Variants in INSL6 observed in about 807,000 individuals in gnomAD.
INSL6 encodes the protein insulin like 6.
In INSL6, 16 loss-of-function variants were observed where a neutral mutation model predicts 9.4. The observed-to-expected ratio is 1.70, with a 90% CI of 1.15 to 2.59. The LOEUF (loss-of-function observed/expected upper bound fraction) is 2.59. INSL6 is among the 30% of genes most tolerant of loss of function. INSL6 has a pLI of 0.00. For synonymous variants in INSL6, 154 were observed against 96.9 expected, an observed-to-expected ratio of 1.59 and a Z score of -3.46; for missense variants, 391 against 257.3, an observed-to-expected ratio of 1.52 and a Z score of -3.56.
intron 1 of INSL6, among the ~76,000 whole-genome samples, chr9:5,168,546 G>A (rs954110095): frequency 6.6e-6 from 1 of 151,944 alleles, no homozygotes; most frequent in African/African-American, 2.4e-5. Flanking sequence ...AGAATGAAAA[G>A]GAATGAATAA....
chr9:5,150,321 GA>G (rs1289767939), intron 2 of INSL6, among the ~76,000 whole-genome samples: 1 of 152,082 alleles, frequency 6.6e-6, no homozygotes, highest in Non-Finnish European at 1.5e-5. Flanking sequence ...TACAGAATGG[GA>G]AAAATATTTG....
At chr9:5,110,167 C>G in the INSL6 span, 1 of 152,214 alleles carries the variant, frequency 6.6e-6, no homozygotes, top group Admixed American at 6.5e-5. Flanking sequence ...TGACTTCCAT[C>G]CGCCATAGAA....
At chr9:5,069,840 G>A in the INSL6 span, 1 of 815,918 alleles carries the variant, frequency 1.2e-6, no homozygotes, top group Non-Finnish European at 1.8e-6. Context: ...CTTATACGTA[G>A]AACACATTTC....
chr9:5,158,798 C>T (rs1455188850), intron 2 of INSL6, among the ~76,000 whole-genome samples: 2 of 152,008 alleles, frequency 1.3e-5, no homozygotes, highest in African/African-American at 4.8e-5. Context: ...AGGAAGAAAT[C>T]ATCTGAACAT....
chr9:5,018,028 G>C, the INSL6 span, among the ~76,000 whole-genome samples: 2 of 152,166 alleles, frequency 1.3e-5, no homozygotes, highest in Non-Finnish European at 2.9e-5. Flanking sequence ...ATGTAGTTGG[G>C]TCATGTTTTT....
chr9:5,013,574 G>A, the INSL6 span, among the ~76,000 whole-genome samples: 1 of 152,148 alleles, frequency 6.6e-6, no homozygotes, highest in Admixed American at 6.5e-5. Flanking sequence ...TTTGTTCCAG[G>A]AACATGCTGT....
At chr9:5,170,807 G>C (rs905986073) in intron 1 of INSL6, among the ~76,000 whole-genome samples, 1 of 152,022 alleles carries the variant, frequency 6.6e-6, no homozygotes, top group Non-Finnish European at 1.5e-5. Context: ...TTGAATCCCT[G>C]AATAGACTAA....
the INSL6 span, among the ~76,000 whole-genome samples, chr9:5,095,275 A>T: frequency 6.6e-6 from 1 of 151,692 alleles, no homozygotes; most frequent in Admixed American, 6.6e-5. Flanking sequence ...TTTCACAGGA[A>T]CCCTCATCAC....
chr9:5,057,639 A>C, the INSL6 span, among the ~76,000 whole-genome samples: 1 of 145,476 alleles, frequency 6.9e-6, no homozygotes, highest in Non-Finnish European at 1.5e-5. Context: ...CTGGAGCACA[A>C]TGGCGCGATC....
chr9:5,129,973 G>C (rs1003469372), intron 3 of INSL6, among the ~76,000 whole-genome samples: 1 of 152,106 alleles, frequency 6.6e-6, no homozygotes, highest in African/African-American at 2.4e-5. Flanking sequence ...GTTTATGCCA[G>C]ATGGCATTGC....
intron 1 of INSL6, among the ~76,000 whole-genome samples, chr9:5,178,725 C>T (rs538765198): frequency 2.0e-4 from 30 of 152,106 alleles, no homozygotes; most frequent in Non-Finnish European, 2.4e-4. Context: ...TACAACCATA[C>T]GATCTTGGAC....
intron 1 of INSL6, among the ~76,000 whole-genome samples, chr9:5,167,686 T>C (rs1825086170): frequency 6.6e-6 from 1 of 152,216 alleles, no homozygotes; most frequent in Non-Finnish European, 1.5e-5. Context: ...CTTTCCTGCC[T>C]ACTGGCTCTG....
At chr9:5,178,128 G>A (rs1222247561) in intron 1 of INSL6, among the ~76,000 whole-genome samples, 1 of 152,162 alleles carries the variant, frequency 6.6e-6, no homozygotes, top group Non-Finnish European at 1.5e-5. Context: ...ACCCGCCTTG[G>A]CCTCCCAAAG....
chr9:4,997,056 GT>G, the INSL6 span, among the ~76,000 whole-genome samples: 2 of 150,630 alleles, frequency 1.3e-5, no homozygotes, highest in African/African-American at 4.9e-5. Context: ...AGCCTCCTGA[GT>G]AGCTGGCACT....
chr9:5,085,934 A>T, the INSL6 span: 1 of 1,106,550 alleles, frequency 9.0e-7, no homozygotes. Context: ...AGTCTCTCCA[A>T]CCGAGTTTGA....
chr9:5,106,569 T>C, the INSL6 span, among the ~76,000 whole-genome samples: 1 of 152,228 alleles, frequency 6.6e-6, no homozygotes, highest in Non-Finnish European at 1.5e-5. Flanking sequence ...CAAAGGATTA[T>C]AAATCATGCT....
the INSL6 span, among the ~76,000 whole-genome samples, chr9:5,016,698 G>T: frequency 1.3e-5 from 2 of 152,040 alleles, no homozygotes; most frequent in Non-Finnish European, 2.9e-5. Flanking sequence ...ATTACTGGCA[G>T]GAGGCACCCC....
At chr9:5,072,962 AAC>A in the INSL6 span, among the ~76,000 whole-genome samples, 1 of 152,116 alleles carries the variant, frequency 6.6e-6, no homozygotes, top group African/African-American at 2.4e-5. Context: ...TTGAAAAAAA[AAC>A]AAAAAACCAA....
chr9:5,104,413 CAAT>C, the INSL6 span, among the ~76,000 whole-genome samples: 6 of 151,956 alleles, frequency 3.9e-5, no homozygotes, highest in African/African-American at 1.4e-4. Flanking sequence ...GAAATTGAGG[CAAT>C]AATAGCCTAC....
Sources: gnomAD v4.1 joint callset for allele counts (sites outside exome capture counted in the v4.1 genomes callset) on GRCh38, gnomAD v4.1.1 for gene constraint, MANE v1.5 for transcripts, NCBI Gene and HGNC (gene_info 2026-07-23, HGNC 2026-07-21) for gene names.